UVRAG: variants seen among roughly 807,000 people sequenced by gnomAD.
UVRAG encodes UV radiation resistance-associated gene protein.
UVRAG carries 19 observed loss-of-function variants against 78.0 expected under a neutral mutation model. The ratio of observed to expected loss-of-function variants is 0.24; its 90% confidence interval spans 0.17 to 0.36. UVRAG has a LOEUF of 0.36. UVRAG is among the 10% of genes least tolerant of loss of function. UVRAG has a pLI of 1.00. For synonymous variants in UVRAG, 323 were observed against 324.6 expected (o/e 1.00, Z 0.05); for missense variants, 740 against 853.8 (o/e 0.87, Z 1.66).
At chr11:76,118,207 A>G (rs1267770231) in intron 14 of UVRAG, among the ~76,000 whole-genome samples, 1 of 152,142 alleles carries the variant, frequency 6.6e-6, no homozygotes, top group Non-Finnish European at 1.5e-5. Flanking sequence ...TTTTTTTATT[A>G]TAATAGTTAA....
intron 6 of UVRAG, among the ~76,000 whole-genome samples, chr11:75,926,194 G>C (rs562613600): frequency 1.3e-5 from 2 of 152,108 alleles, no homozygotes; most frequent in South Asian, 2.1e-4. Context: ...CCGTGGAGGA[G>C]GTCTTAATGG....
At chr11:75,817,994 A>G (rs1438460297) in intron 1 of UVRAG, among the ~76,000 whole-genome samples, 4 of 151,912 alleles carry the variant, frequency 2.6e-5, no homozygotes, top group East Asian at 3.9e-4. Flanking sequence ...TGGGAGGCGC[A>G]GGTTGCAGTA....
chr11:75,977,081 T>C (rs1187027335), intron 7 of UVRAG, among the ~76,000 whole-genome samples: 2 of 152,234 alleles, frequency 1.3e-5, no homozygotes, highest in Non-Finnish European at 2.9e-5. Context: ...TTTGTTCTCA[T>C]TGGTTTCAAA....
intron 1 of UVRAG, among the ~76,000 whole-genome samples, chr11:75,843,725 G>A (rs754203283): frequency 2.6e-5 from 4 of 152,106 alleles, no homozygotes; most frequent in South Asian, 2.1e-4. Flanking sequence ...TTGGGAGGCC[G>A]AGGTGGGTGG....
At chr11:75,992,917 G>A (rs1254570149) in intron 8 of UVRAG, among the ~76,000 whole-genome samples, 2 of 152,166 alleles carry the variant, frequency 1.3e-5, no homozygotes, top group East Asian at 3.9e-4. Context: ...AGGGAGTAGT[G>A]AAATGATTTG....
At chr11:75,996,587 C>G (rs2135313429) in intron 8 of UVRAG, among the ~76,000 whole-genome samples, 1 of 152,152 alleles carries the variant, frequency 6.6e-6, no homozygotes, top group Non-Finnish European at 1.5e-5. Flanking sequence ...GTGAGACCTT[C>G]CAGGTAAAGG....
chr11:76,032,597 G>A (rs977061951), intron 12 of UVRAG, among the ~76,000 whole-genome samples: 1 of 152,188 alleles, frequency 6.6e-6, no homozygotes, highest in Admixed American at 6.5e-5. Context: ...GCATCAGGAT[G>A]CACAGCAAGT....
chr11:76,123,187 A>G (rs1952321210), intron 14 of UVRAG, among the ~76,000 whole-genome samples: 3 of 151,950 alleles, frequency 2.0e-5, no homozygotes, highest in African/African-American at 7.3e-5. Context: ...AGTGCCTCCT[A>G]CCTTCCTCAG....
intron 8 of UVRAG, 40 bp from the exon 9 acceptor site, chr11:76,003,965 T>C (rs1472973443): frequency 6.4e-6 from 10 of 1,560,452 alleles, no homozygotes; most frequent in Non-Finnish European, 8.8e-6. Context: ...TGAGTAATCC[T>C]ATGTTACATA....
chr11:75,887,986 A>G lies in UVRAG; in HGVS notation c.433-843A>G, dbSNP rs139982713. Among the ~76,000 whole-genome samples the G allele has an allele frequency of 8.4e-3, 1,279 of 152,348 alleles. 22 individuals carry two copies. Among genetic ancestry groups the G allele is most frequent in the African/African-American group, 0.03 (1,227 of 41,570 alleles). ...ATCTGAAATAGAGTGGTTTGCAGAC[A>G]ATAATAGAAGAGAGTGGTTTGCAGA... is the stretch of plus-strand genomic sequence containing the variant. On this transcript the variant is annotated intron_variant, in intron 4 of 14. Coordinates refer to ENST00000356136, the MANE Select transcript of UVRAG (RefSeq NM_003369.4).
intron 14 of UVRAG, among the ~76,000 whole-genome samples, chr11:76,119,288 C>T (rs73498285): frequency 0.022 from 3,380 of 152,222 alleles, 126 homozygotes; most frequent in African/African-American, 0.077. Flanking sequence ...TCCATGGCCC[C>T]ATCTTAGGCC....
intron 12 of UVRAG, among the ~76,000 whole-genome samples, chr11:76,054,906 TC>T (rs1308090816): frequency 1.3e-5 from 2 of 152,266 alleles, no homozygotes; most frequent in Admixed American, 6.5e-5. Context: ...GCTTTATTTG[TC>T]CAGTGCTCAT....
At chr11:75,966,270 C>T (rs1040222109) in intron 7 of UVRAG, among the ~76,000 whole-genome samples, 4 of 151,574 alleles carry the variant, frequency 2.6e-5, no homozygotes, top group South Asian at 2.1e-4. Context: ...TTTTTTCCTT[C>T]GTATTGTCTT....
At chr11:75,961,679 T>C (rs993355275) in intron 7 of UVRAG, 130 bp downstream of exon 7, 19 of 619,306 alleles carry the variant, frequency 3.1e-5, no homozygotes, top group African/African-American at 5.8e-5. Context: ...GAGAGTTCTA[T>C]TGGCATTTAA....
At chr11:76,115,166 G>C (rs1273628670) in intron 13 of UVRAG, among the ~76,000 whole-genome samples, 1 of 152,132 alleles carries the variant, frequency 6.6e-6, no homozygotes, top group Non-Finnish European at 1.5e-5. Context: ...AGAACAGACC[G>C]ATGAAAACCA....
intron 7 of UVRAG, among the ~76,000 whole-genome samples, chr11:75,967,736 C>T (rs1207130565): frequency 1.3e-5 from 2 of 152,116 alleles, no homozygotes; most frequent in East Asian, 3.8e-4. Context: ...AATGTCTAGC[C>T]TAATAAAAGA....
intron 1 of UVRAG, among the ~76,000 whole-genome samples, chr11:75,827,215 T>C (rs777727918): frequency 3.6e-4 from 55 of 151,748 alleles, no homozygotes; most frequent in Non-Finnish European, 6.8e-4. Flanking sequence ...TTTTTTTTTT[T>C]CTCCAGGAAA....
At chr11:76,096,387 CTT>C (rs377572188) in intron 13 of UVRAG, among the ~76,000 whole-genome samples, 276 of 152,156 alleles carry the variant, frequency 1.8e-3, no homozygotes, top group African/African-American at 6.4e-3. Context: ...AGATAGCTGT[CTT>C]TATATTTGGA....
intron 12 of UVRAG, among the ~76,000 whole-genome samples, chr11:76,063,829 T>C (rs945498093): frequency 3.3e-5 from 5 of 152,216 alleles, no homozygotes; most frequent in African/African-American, 1.2e-4. Flanking sequence ...ATTTGTATCT[T>C]ATGTTCTGAC....
Sources: allele counts gnomAD v4.1 joint callset (sites outside exome capture counted in the v4.1 genomes callset), GRCh38; gene constraint gnomAD v4.1.1; transcripts MANE v1.5; gene names NCBI Gene and HGNC (gene_info 2026-07-23, HGNC 2026-07-21).